Variants in BRD2 observed in about 807,000 individuals in gnomAD.
The protein encoded by BRD2 is bromodomain containing 2.
BRD2 carries 15 observed loss-of-function variants against 79.1 expected under a neutral mutation model. The ratio of observed to expected loss-of-function variants is 0.19; its 90% confidence interval spans 0.13 to 0.29. The LOEUF (loss-of-function observed/expected upper bound fraction) is 0.29, where lower values mean the gene tolerates loss of function less well. Ranked by LOEUF, BRD2 falls within the 10% of genes least tolerant of loss-of-function variation. The pLI, the probability that BRD2 is intolerant of heterozygous loss-of-function variation, is 1.00. For missense variants in BRD2, 1,053 were observed against 991.3 expected, an observed-to-expected ratio of 1.06 and a Z score of -0.84; for synonymous variants, 488 against 358.6, an observed-to-expected ratio of 1.36 and a Z score of -4.08.
intron 2 of BRD2, among the ~76,000 whole-genome samples, chr6:32,973,388 T>C (rs1016121811): frequency 2.6e-5 from 4 of 152,118 alleles, no homozygotes; most frequent in Admixed American, 6.5e-5. Flanking sequence ...CACTCTCCCG[T>C]GTGTGCAGGT....
chr6:32,971,308 G>A (rs766759388), intron 1 of BRD2: 1 of 325,250 alleles, frequency 3.1e-6, no homozygotes, highest in Non-Finnish European at 5.6e-6. Context: ...GGTAACTGTA[G>A]GTGTGAGTGG....
intron 1 of BRD2, chr6:32,971,083 T>G (rs138957550): frequency 0.013 from 1,815 of 137,354 alleles, 19 homozygotes; most frequent in South Asian, 0.032. Context: ...ATGTGGCGTG[T>G]GGGGGGAAAG....
rs1777663562 is a variant in BRD2 at position 32,968,660 on chromosome 6, G to C, written c.-1701G>C. 6.5e-6 allele frequency: 1 copy of C among 153,610 alleles called. No individual in the cohort carries two copies. Among genetic ancestry groups the C allele is most frequent in the Non-Finnish European group, 1.5e-5 (1 of 68,940 alleles). 9.5% of individuals were successfully genotyped at this position (153,610 alleles called of 1,614,324 possible). A position where few individuals can be genotyped will look rare whatever the true frequency, so the allele number is the denominator to read the frequency against. On this transcript the variant is annotated 5_prime_UTR_variant, in exon 1 of 13. Transcript: ENST00000374825. ...AGGCGAGTGGGGGGGACAGAGTCCA[G>C]GACTGCGGGATAGGAAGCTGGGGAT... is the stretch of plus-strand genomic sequence containing the variant.
chr6:32,970,645 C>T (rs374190157), intron 1 of BRD2: 1 of 152,054 alleles, frequency 6.6e-6, no homozygotes, highest in African/African-American at 2.4e-5. Flanking sequence ...CACCAAAGCC[C>T]AGGTTTTCTC....
Position 32,969,071 on chromosome 6 carries a change from T to G in BRD2, c.-1305+15T>G. The G allele has an allele frequency of 4.4e-6, 2 of 455,626 alleles. No individual in the cohort carries two copies. Among genetic ancestry groups the G allele is most frequent in the Non-Finnish European group, 4.0e-6 (1 of 249,624 alleles). 28.2% of individuals were successfully genotyped at this position (455,626 alleles called of 1,614,324 possible). A position where few individuals can be genotyped will look rare whatever the true frequency, so the allele number is the denominator to read the frequency against. Reference sequence around the variant, plus strand: ...TTAGGATCCAGGTGAGAAGGGGCCCTTGTGGGGCGGAGATGTCAGTCAAGT... The same window carrying G: ...TTAGGATCCAGGTGAGAAGGGGCCCGTGTGGGGCGGAGATGTCAGTCAAGT... On this transcript the variant is annotated intron_variant, in intron 1 of 12. Coordinates refer to ENST00000374825, the MANE Select transcript of BRD2 (RefSeq NM_005104.4).
Position 32,971,807 on chromosome 6 carries a change from G to A in BRD2, c.-1092G>A, listed in dbSNP as rs1320501275. 1.6e-6 allele frequency: 1 copy of A among 640,178 alleles called. No homozygotes were observed. The highest frequency in any genetic ancestry group is 2.8e-6 in the Non-Finnish European group (1 of 356,590). The allele number at this position is 640,178 out of a possible 1,614,324, so 39.7% of individuals were successfully genotyped here. On this transcript the variant is annotated 5_prime_UTR_variant, in exon 2 of 13. Coordinates refer to ENST00000374825, the MANE Select transcript of BRD2 (RefSeq NM_005104.4). ...AAGCTTGGGAAGACTTTGTTGGAAG[G>A]GGAGGCGGGGAGAGAGTGCTGGAGG... is the stretch of plus-strand genomic sequence containing the variant.
chr6:32,970,745 T>A (rs961887811), intron 1 of BRD2: 2 of 152,126 alleles, frequency 1.3e-5, no homozygotes, highest in Admixed American at 6.5e-5. Context: ...TCTGGTTGAT[T>A]CACAGAGTCT....
chr6:32,980,010 CTT>C lies in BRD2; in HGVS notation c.2026_2027del (p.Leu676ThrfsTer2). On this transcript the variant is annotated frameshift_variant, in exon 11 of 13. Coordinates refer to ENST00000374825, the MANE Select transcript of BRD2 (RefSeq NM_005104.4). LOFTEE classifies it high-confidence loss of function. ...CATATAATCCAAGCCAGGGAGCCCT[CTT>C]TACGTGATTCAAACCCAGAAGAGAT... 1 of 1,613,126 alleles carries C rather than the reference CTT, an allele frequency of 6.2e-7. No individual in the cohort carries two copies. The highest frequency in any genetic ancestry group is 8.5e-7 in the Non-Finnish European group (1 of 1,180,032).
chr6:32,980,064 C>G lies in BRD2; in HGVS notation c.2078C>G (p.Pro693Arg). Reference protein sequence around the residue: ...EIEIDFETLKPSTLRELERYV... With the variant: ...EIEIDFETLKRSTLRELERYV... The stretch of plus-strand genomic sequence containing the variant: ...GAGATTGATTTTGAAACACTCAAGC[C>G]ATCCACACTTAGAGAGCTTGAGCGC... The change falls in exon 11 of 13, where the codon CCA (proline) becomes CGA (arginine). Residue 693 changes from proline (P) to arginine (R), a missense_variant. Physicochemically the swap from Pro to Arg is moderately radical, Grantham distance 103 (BLOSUM62 -2). Around this residue, in one of 5 missense-constraint regions of BRD2, gnomAD observed 139 missense variants for 133.2 expected, o/e 1.04. Coordinates refer to ENST00000374825, the MANE Select transcript of BRD2 (RefSeq NM_005104.4). 6.2e-7 allele frequency: 1 copy of G among 1,612,866 alleles called. No individual in the cohort carries two copies. The highest frequency in any genetic ancestry group is 8.5e-7 in the Non-Finnish European group (1 of 1,179,974).
At position 32,972,811 on chromosome 6, in the gene BRD2, G is replaced by C. The variant is rs1778194918; in HGVS notation, c.-88G>C. On this transcript the variant is annotated 5_prime_UTR_variant, in exon 2 of 13. Coordinates refer to ENST00000374825, the MANE Select transcript of BRD2 (RefSeq NM_005104.4). ...AGAGGAACGGCCTCCCCCCAACTTA[G>C]CGGGTTATGCTGGACCGGGCGGTGA... 4 of 1,599,886 alleles carry C rather than the reference G, an allele frequency of 2.5e-6. No individual in the cohort carries two copies. In the South Asian group the frequency reaches 4.4e-5, roughly 18 times the overall value.
Position 32,980,407 on chromosome 6 carries a change from A to C in BRD2, c.2212A>C (p.Lys738Gln). Reference sequence around the variant, plus strand: ...TTTGGAGAAAAAGCGGGAATTAGAAAAGCGGTTACAAGATGTCAGCGGACA... The same window carrying C: ...TTTGGAGAAAAAGCGGGAATTAGAACAGCGGTTACAAGATGTCAGCGGACA... ...LALEKKRELE[K>Q]RLQDVSGQLN... The change falls in exon 12 of 13, where the codon AAG becomes CAG. Residue 738 changes from lysine (K) to glutamine (Q), a missense_variant. Coordinates refer to ENST00000374825, the MANE Select transcript of BRD2 (RefSeq NM_005104.4). 6.2e-7 allele frequency: 1 copy of C among 1,613,106 alleles called. No homozygotes were observed. The highest frequency in any genetic ancestry group is 8.5e-7 in the Non-Finnish European group (1 of 1,180,048).
At chr6:32,973,101 T>C (rs1328404542) in intron 2 of BRD2, 174 bp downstream of exon 2, 1 of 1,562,718 alleles carries the variant, frequency 6.4e-7, no homozygotes, top group Non-Finnish European at 8.7e-7. Flanking sequence ...TGGTGGCGGC[T>C]CGGCTACTGC....
At chr6:32,980,555 T>C in intron 12 of BRD2, 27 bp from the exon 13 acceptor site, 1 of 1,612,990 alleles carries the variant, frequency 6.2e-7, no homozygotes, top group Non-Finnish European at 8.5e-7. Flanking sequence ...GACTTGAACG[T>C]CTTTAACTTT....
intron 1 of BRD2, among the ~76,000 whole-genome samples, 193 bp from the exon 2 acceptor site, chr6:32,971,402 A>G (rs554650973): frequency 6.6e-6 from 1 of 152,212 alleles, no homozygotes; most frequent in African/African-American, 2.4e-5. Flanking sequence ...ACAGTAGTAA[A>G]TAATGTTTTG....
chr6:32,972,100 G>C lies in BRD2; in HGVS notation c.-799G>C. The C allele has an allele frequency of 2.9e-6, 2 of 691,836 alleles. No homozygotes were observed. Among genetic ancestry groups the C allele is most frequent in the East Asian group, 5.4e-5 (2 of 36,798 alleles). The allele number at this position is 691,836 out of a possible 1,614,324, so 42.9% of individuals were successfully genotyped here. On this transcript the variant is annotated 5_prime_UTR_variant, in exon 2 of 13. Coordinates refer to ENST00000374825, the MANE Select transcript of BRD2 (RefSeq NM_005104.4). ...CCCGCGTGAGCGAGCGCGCGCGCGCGGAGGGGGTGGGGAAAAGCTCAAGCA... is the reference window on the plus strand; with the variant it reads ...CCCGCGTGAGCGAGCGCGCGCGCGCCGAGGGGGTGGGGAAAAGCTCAAGCA...
chr6:32,977,192 G>C, intron 7 of BRD2: 1 of 1,463,766 alleles, frequency 6.8e-7, no homozygotes, highest in Non-Finnish European at 9.2e-7. Context: ...TTGGGTTAAG[G>C]AAGTTATAGG....
chr6:32,976,270 A>C lies in BRD2; in HGVS notation c.631A>C (p.Ser211Arg). 1 of 1,613,036 alleles carries C rather than the reference A, an allele frequency of 6.2e-7. No individual in the cohort carries two copies. Among genetic ancestry groups the C allele is most frequent in the South Asian group, 1.1e-5 (1 of 91,078 alleles). ...KLAALQGSVT[S>R]AHQVPAVSSV... ...TCTAGCGCTCCAGGGCAGTGTTACC[A>C]GTGCCCATCAGGTGCCTGCCGTCTC... Residue 211 changes from serine to arginine, a missense_variant, in exon 6 of 13, where the codon AGT (serine) becomes CGT (arginine). Physicochemically the swap from Ser to Arg is moderately radical, Grantham distance 110. Around this residue, in one of 5 missense-constraint regions of BRD2, gnomAD observed 413 missense variants for 335.1 expected, o/e 1.23. Coordinates refer to ENST00000374825, the MANE Select transcript of BRD2 (RefSeq NM_005104.4).
At position 32,980,354 on chromosome 6, in the gene BRD2, C is replaced by T. The variant is rs753553897; in HGVS notation, c.2159C>T (p.Pro720Leu). ...KPRKPYTIKK[P>L]VGKTKEELAL... ...TTTCTTTCATTAGCCATTAAGAAGC[C>T]TGTGGGAAAGACAAAGGAGGAACTG... Residue 720 changes from proline (P) to leucine (L), a missense_variant, in exon 12 of 13, where the codon CCT becomes CTT. Transcript: ENST00000374825. 1.2e-6 allele frequency: 2 copies of T among 1,612,898 alleles called. No homozygotes were observed. The highest frequency in any genetic ancestry group is 1.7e-6 in the Non-Finnish European group (2 of 1,180,022).
In BRD2 at chr6:32,980,443, A is replaced by G. The variant is rs1352151342; in HGVS notation, c.2248A>G (p.Thr750Ala). The G allele has an allele frequency of 5.0e-6, 8 of 1,612,984 alleles. No homozygotes were observed. Among genetic ancestry groups the G allele is most frequent in the Admixed American group, 1.7e-5 (1 of 59,988 alleles). The change falls in exon 12 of 13, where the codon ACT becomes GCT. Residue 750 changes from threonine (T) to alanine (A), a missense_variant. This residue lies in a region of BRD2 where 139 missense variants were observed against 133.2 expected (regional missense o/e 1.04). Transcript: ENST00000374825. The part of the protein sequence containing the change: ...LQDVSGQLNS[T>A]KKPPKKANEK... ...AGATGTCAGCGGACAGCTCAATTCT[A>G]CTAAAAAGCCCCCCAAGAAAGGTGA... is the stretch of plus-strand genomic sequence containing the variant.
Sources: gnomAD v4.1 joint callset for allele counts (sites outside exome capture counted in the v4.1 genomes callset) on GRCh38, gnomAD v4.1.1 for gene constraint, gnomAD v4.1.1 regional missense constraint, MANE v1.5 for transcripts, NCBI Gene and HGNC (gene_info 2026-07-23, HGNC 2026-07-21) for gene names.